Variants in NTM observed in about 807,000 individuals in gnomAD.
NTM encodes neurotrimin.
Under a neutral mutation model 42.1 loss-of-function variants are expected in NTM, and 13 were observed. The ratio of observed to expected loss-of-function variants is 0.31; its 90% CI spans 0.20 to 0.49. The LOEUF (loss-of-function observed/expected upper bound fraction) is 0.49. Among genes scored for constraint, NTM ranks in the 20% least tolerant of loss-of-function variants. The pLI, the probability that NTM is intolerant of heterozygous loss-of-function variation, is 0.99. For synonymous variants in NTM, 187 were observed against 179.2 expected, an observed-to-expected ratio of 1.04 and a Z score of -0.35; for missense variants, 373 against 452.8, an observed-to-expected ratio of 0.82 and a Z score of 1.60.
At chr11:131,476,672 G>C (rs7936638) in intron 1 of NTM, among the ~76,000 whole-genome samples, 1 of 152,058 alleles carries the variant, frequency 6.6e-6, no homozygotes, top group Admixed American at 6.5e-5. Flanking sequence ...AAAGGAGAGA[G>C]CCTAAAGACA....
In NTM at chr11:131,398,685, T is replaced by C. The variant is rs547177056; in HGVS notation, c.82+27797T>C. 3.5e-4 allele frequency among the ~76,000 whole-genome samples: 54 copies of C among 152,312 alleles called. 1 individual carries two copies. In the South Asian group the frequency reaches 9.7e-3, roughly 27 times the overall value. On this transcript the variant is annotated intron_variant, in intron 1 of 8. Transcript: ENST00000683400. ...TGATTATGGCCTTATTCCACTGTTA[T>C]GATTATTTCCTTACACACGATCACT...
In NTM at chr11:131,676,265, T is replaced by C. The variant is rs188156512; in HGVS notation, c.83-235299T>C. On this transcript the variant is annotated intron_variant, in intron 1 of 8. Transcript: ENST00000683400. Reference sequence around the variant, plus strand: ...TTTCAGATATTTAAGTGCTGTTTGGTAGAAAAGGAATGAGATGTTTTCTGT... The same window carrying C: ...TTTCAGATATTTAAGTGCTGTTTGGCAGAAAAGGAATGAGATGTTTTCTGT... Among the ~76,000 whole-genome samples the C allele has an allele frequency of 2.6e-5, 4 of 152,270 alleles. No individual in the cohort carries two copies. In the South Asian group the frequency reaches 6.2e-4, roughly 24 times the overall value.
Position 131,655,136 on chromosome 11 carries a change from G to C in NTM, c.83-256428G>C, listed in dbSNP as rs73592244. 6.5e-3 allele frequency among the ~76,000 whole-genome samples: 983 copies of C among 152,274 alleles called. 9 individuals carry two copies. Among genetic ancestry groups the C allele is most frequent in the African/African-American group, 0.022 (920 of 41,556 alleles). The stretch of plus-strand genomic sequence containing the variant: ...TCAGAGAGTTTTTAGAAACAGGAGT[G>C]CAGGGTCCCATTCTCAAGGATTCTG... On this transcript the variant is annotated intron_variant, in intron 1 of 8. Transcript: ENST00000683400.
intron 1 of NTM, among the ~76,000 whole-genome samples, chr11:131,705,141 T>C (rs1455446208): frequency 6.6e-6 from 1 of 152,004 alleles, no homozygotes; most frequent in African/African-American, 2.4e-5. Flanking sequence ...CAACCCCAAA[T>C]AGGTTAAACA....
intron 1 of NTM, among the ~76,000 whole-genome samples, chr11:131,708,230 A>T (rs567905535): frequency 3.3e-4 from 51 of 152,280 alleles, no homozygotes; most frequent in Non-Finnish European, 6.6e-4. Context: ...AATAAGAAAA[A>T]ACATGAATTC....
intron 2 of NTM, among the ~76,000 whole-genome samples, chr11:132,087,562 T>C (rs1007543373): frequency 6.6e-6 from 1 of 152,164 alleles, no homozygotes; most frequent in African/African-American, 2.4e-5. Flanking sequence ...GACTGGCTGC[T>C]ACCTCCTTAT....
chr11:131,870,933 C>T (rs2047712829), intron 1 of NTM, among the ~76,000 whole-genome samples: 1 of 152,072 alleles, frequency 6.6e-6, no homozygotes, highest in African/African-American at 2.4e-5. Flanking sequence ...GTAGGTGTAG[C>T]AGAAAGAAGG....
At chr11:131,878,646 C>G (rs2048975165) in intron 1 of NTM, among the ~76,000 whole-genome samples, 1 of 115,010 alleles carries the variant, frequency 8.7e-6, no homozygotes, top group Non-Finnish European at 1.7e-5. Flanking sequence ...TATATAATGT[C>G]TTATGTTCAT....
chr11:131,516,925 G>A (rs2048968469), intron 1 of NTM, among the ~76,000 whole-genome samples: 1 of 152,196 alleles, frequency 6.6e-6, no homozygotes, highest in Non-Finnish European at 1.5e-5. Context: ...TGCATTTCAA[G>A]ATTGGTTGCT....
intron 1 of NTM, among the ~76,000 whole-genome samples, chr11:131,470,292 G>A (rs1016396041): frequency 2.0e-5 from 3 of 152,210 alleles, no homozygotes; most frequent in Non-Finnish European, 4.4e-5. Context: ...AGGGATTTGA[G>A]CCTTCTGAGT....
At chr11:131,428,039 C>A (rs576417995) in intron 1 of NTM, among the ~76,000 whole-genome samples, 10 of 152,320 alleles carry the variant, frequency 6.6e-5, no homozygotes, top group African/African-American at 2.4e-4. Context: ...AAATTTACAT[C>A]TTTCACCAGA....
At chr11:132,198,967 G>A (rs937319553) in intron 3 of NTM, among the ~76,000 whole-genome samples, 1 of 152,196 alleles carries the variant, frequency 6.6e-6, no homozygotes, top group Non-Finnish European at 1.5e-5. Flanking sequence ...GATCAGCAAT[G>A]TTTCAGACAT....
At chr11:132,314,133 A>G (rs961538968) in intron 6 of NTM, among the ~76,000 whole-genome samples, 2 of 142,890 alleles carry the variant, frequency 1.4e-5, no homozygotes, top group African/African-American at 5.8e-5. Context: ...CTCTTCTCTC[A>G]GAAGTTTGAG....
At chr11:131,600,492 T>C (rs1238859552) in intron 1 of NTM, among the ~76,000 whole-genome samples, 5 of 152,242 alleles carry the variant, frequency 3.3e-5, no homozygotes, top group Admixed American at 3.3e-4. Flanking sequence ...TTTTGGCTGC[T>C]GCTTTGTGCA....
intron 4 of NTM, among the ~76,000 whole-genome samples, chr11:132,289,001 ACCTAAAAC>A (rs2094356587): frequency 3.3e-5 from 5 of 152,182 alleles, no homozygotes; most frequent in South Asian, 2.1e-4. Flanking sequence ...TCCAATTAGT[ACCTAAAAC>A]TCAGTCCTAG....
chr11:131,672,934 G>A (rs2070648313), intron 1 of NTM, among the ~76,000 whole-genome samples: 1 of 71,962 alleles, frequency 1.4e-5, no homozygotes, highest in African/African-American at 6.6e-5. Flanking sequence ...GTGTGACCGT[G>A]TTCCTTGCCT....
chr11:131,671,985 A>G (rs1592470305), intron 1 of NTM, among the ~76,000 whole-genome samples: 1 of 152,168 alleles, frequency 6.6e-6, no homozygotes, highest in Non-Finnish European at 1.5e-5. Context: ...CCCTGGCTGC[A>G]CCGCCTCTCA....
At chr11:131,776,051 T>A (rs2086916327) in intron 1 of NTM, among the ~76,000 whole-genome samples, 1 of 152,180 alleles carries the variant, frequency 6.6e-6, no homozygotes, top group Non-Finnish European at 1.5e-5. Context: ...TCTGCATATA[T>A]CTCTGGCCCC....
At chr11:131,666,844 T>C (rs193100278) in intron 1 of NTM, among the ~76,000 whole-genome samples, 1 of 152,296 alleles carries the variant, frequency 6.6e-6, no homozygotes, top group Admixed American at 6.5e-5. Context: ...GGCATTCTTT[T>C]CCAGCTGTGG....
Sources: allele counts gnomAD v4.1 joint callset (sites outside exome capture counted in the v4.1 genomes callset), GRCh38; gene constraint gnomAD v4.1.1; transcripts MANE v1.5; gene names NCBI Gene and HGNC (gene_info 2026-07-23, HGNC 2026-07-21).